Variants in STON2 observed in about 807,000 individuals in gnomAD.
STON2 encodes the protein stonin-2.
Under a neutral mutation model 65.7 loss-of-function variants are expected in STON2, and 29 were observed. That is an observed-to-expected ratio of 0.44 (90% CI 0.33 to 0.60). The LOEUF is 0.60. Among genes scored for constraint, STON2 ranks in the 20% least tolerant of loss-of-function variants. The probability of loss-of-function intolerance (pLI) is 0.03; values close to 1 mark genes in which losing one functional copy is unlikely to be tolerated. For missense variants in STON2, 1,054 were observed against 1,118.1 expected (o/e 0.94, Z 0.82); for synonymous variants, 404 against 414.2 (o/e 0.98, Z 0.30).
Position 81,263,094 on chromosome 14 carries a change from TA to T in STON2, c.*5319del, listed in dbSNP as rs1894214308. The stretch of plus-strand genomic sequence containing the variant: ...GTGAGACAGTGCATTTACCAAATGA[TA>T]TTTTTTTGTGGATTTAATTTTTTGT... On this transcript the variant is annotated 3_prime_UTR_variant, in exon 8 of 8. Coordinates refer to ENST00000614646, the MANE Select transcript of STON2 (RefSeq NM_001394390.1). 1.0e-6 allele frequency: 1 copy of T among 985,244 alleles called. No homozygotes were observed. The highest frequency in any genetic ancestry group is 6.1e-5 in the Admixed American group (1 of 16,264). 61.0% of individuals were successfully genotyped at this position (985,244 alleles called of 1,614,324 possible).
chr14:81,338,935 A>G (rs1897482992), intron 4 of STON2, among the ~76,000 whole-genome samples: 1 of 152,228 alleles, frequency 6.6e-6, no homozygotes, highest in Non-Finnish European at 1.5e-5. Flanking sequence ...TGGACAGAAA[A>G]GCAGCATTTG....
chr14:81,384,473 TG>T (rs1226079314), intron 3 of STON2, among the ~76,000 whole-genome samples: 1 of 151,456 alleles, frequency 6.6e-6, no homozygotes, highest in East Asian at 1.9e-4. Context: ...TGACCTCAAG[TG>T]ATCTGCCCGC....
intron 5 of STON2, among the ~76,000 whole-genome samples, chr14:81,313,625 T>A (rs896770076): frequency 3.3e-5 from 5 of 151,910 alleles, no homozygotes; most frequent in Admixed American, 3.3e-4. Flanking sequence ...TGAAGCCCCA[T>A]CTCTACTAAA....
At position 81,267,619 on chromosome 14, in the gene STON2, C is replaced by T. The variant is rs935356028; in HGVS notation, c.*795G>A. ...GATTGAATCTACCTCTTGAACTGAA[C>T]ATCATCTTATATTTAATGTCTCTTT... On this transcript the variant is annotated 3_prime_UTR_variant, in exon 8 of 8. Coordinates refer to ENST00000614646, the MANE Select transcript of STON2 (RefSeq NM_001394390.1). The T allele has an allele frequency of 1.2e-5, 12 of 985,206 alleles. No individual in the cohort carries two copies. Among genetic ancestry groups the T allele is most frequent in the African/African-American group, 1.7e-5 (1 of 57,214 alleles). 61.0% of individuals were successfully genotyped at this position (985,206 alleles called of 1,614,324 possible). A position where few individuals can be genotyped will look rare whatever the true frequency, so the allele number is the denominator to read the frequency against.
At position 81,263,214 on chromosome 14, in the gene STON2, C is replaced by G. The variant is rs1346950687; in HGVS notation, c.*5200G>C. On this transcript the variant is annotated 3_prime_UTR_variant, in exon 8 of 8. Coordinates refer to ENST00000614646, the MANE Select transcript of STON2 (RefSeq NM_001394390.1). ...GGCCCATGATGGTTTTGAATGTGGC[C>G]CAAGACAAATTCGTAAACTTTCTTA... The G allele has an allele frequency of 1.0e-6, 1 of 960,498 alleles. No individual in the cohort carries two copies. Among genetic ancestry groups the G allele is most frequent in the African/African-American group, 1.8e-5 (1 of 56,642 alleles). The allele number at this position is 960,498 out of a possible 1,614,324, so 59.5% of individuals were successfully genotyped here.
chr14:81,415,758 A>T (rs1309218140), intron 2 of STON2, among the ~76,000 whole-genome samples: 4 of 151,776 alleles, frequency 2.6e-5, no homozygotes, highest in Non-Finnish European at 5.9e-5. Flanking sequence ...TTCTATGTAT[A>T]TGATTATACA....
At chr14:81,312,138 T>C (rs1048262079) in intron 5 of STON2, among the ~76,000 whole-genome samples, 7 of 152,196 alleles carry the variant, frequency 4.6e-5, no homozygotes, top group African/African-American at 1.7e-4. Context: ...AGAGATTACA[T>C]GATTGTCTTA....
intron 5 of STON2, among the ~76,000 whole-genome samples, chr14:81,301,587 T>A (rs974677719): frequency 6.6e-6 from 1 of 152,090 alleles, no homozygotes; most frequent in Non-Finnish European, 1.5e-5. Context: ...TTCAGTTGGG[T>A]GATATACTAG....
intron 5 of STON2, among the ~76,000 whole-genome samples, chr14:81,302,881 G>A (rs1388478757): frequency 6.6e-6 from 1 of 152,192 alleles, no homozygotes; most frequent in Non-Finnish European, 1.5e-5. Context: ...ACATGGTGCC[G>A]TACACAGAAT....
chr14:81,350,465 T>C (rs1293195457), intron 4 of STON2, among the ~76,000 whole-genome samples: 1 of 148,474 alleles, frequency 6.7e-6, no homozygotes. Flanking sequence ...GGCAGTCCAT[T>C]GTTTAATTCA....
chr14:81,398,790 C>A (rs1900461320), intron 1 of STON2, among the ~76,000 whole-genome samples: 1 of 152,184 alleles, frequency 6.6e-6, no homozygotes, highest in Non-Finnish European at 1.5e-5. Context: ...GCCTTCATAT[C>A]ACACTTGCAA....
At chr14:81,404,144 C>T (rs921318627), upstream of STON2, among the ~76,000 whole-genome samples, 6 of 152,154 alleles carry the variant, frequency 3.9e-5, no homozygotes, top group Non-Finnish European at 8.8e-5. Flanking sequence ...AATTTAAACA[C>T]TATGTGTAAA....
intron 4 of STON2, among the ~76,000 whole-genome samples, chr14:81,339,594 T>A (rs1484867680): frequency 6.6e-6 from 1 of 152,180 alleles, no homozygotes. Context: ...AAGAACAGCA[T>A]AGCCCCTGTT....
chr14:81,349,383 C>A (rs1432655237), intron 4 of STON2, among the ~76,000 whole-genome samples: 1 of 151,968 alleles, frequency 6.6e-6, no homozygotes, highest in Non-Finnish European at 1.5e-5. Flanking sequence ...TATCAAACAG[C>A]TTAAATGCAG....
chr14:81,410,270 ACT>A (rs1404735306), intron 2 of STON2, among the ~76,000 whole-genome samples: 1 of 130,074 alleles, frequency 7.7e-6, no homozygotes, highest in African/African-American at 3.2e-5. Context: ...GATGAATGTA[ACT>A]CTAACCAAAA....
chr14:81,313,810 T>TACACACACACAC (rs10527861), intron 5 of STON2, among the ~76,000 whole-genome samples: 2 of 139,830 alleles, frequency 1.4e-5, no homozygotes, highest in African/African-American at 5.3e-5. Context: ...AAAAAAAAAA[T>TACACACACACAC]ACACACACAC....
At chr14:81,412,398 T>C (rs1901206349) in intron 2 of STON2, among the ~76,000 whole-genome samples, 1 of 140,106 alleles carries the variant, frequency 7.1e-6, no homozygotes, top group African/African-American at 2.9e-5. Flanking sequence ...TGGAACATTA[T>C]TCAGCCTTAA....
In STON2 at chr14:81,325,711, C is replaced by T. The variant is rs988971421; in HGVS notation, c.572-1524G>A. Among the ~76,000 whole-genome samples, 4 of 152,212 alleles carry T rather than the reference C, an allele frequency of 2.6e-5. No homozygotes were observed. The South Asian group carries it at 6.2e-4, about 24-fold the overall frequency. ...GGCACTTAAAAAAAACTTAATGATA[C>T]ATTTGAGATTTTCCATATCAGCATA... On this transcript the variant is annotated intron_variant, in intron 4 of 7. Transcript: ENST00000614646.
Position 81,265,174 on chromosome 14 carries a change from C to A in STON2, c.*3240G>T. 1 of 982,828 alleles carries A rather than the reference C, an allele frequency of 1.0e-6. No individual in the cohort carries two copies. Among genetic ancestry groups the A allele is most frequent in the East Asian group, 1.1e-4 (1 of 8,804 alleles). 60.9% of individuals were successfully genotyped at this position (982,828 alleles called of 1,614,324 possible). ...CAACTGTTTTCTATGTAGGTTATTA[C>A]ATAGCTAATTTGCCCACTTGTATTT... is the stretch of plus-strand genomic sequence containing the variant. On this transcript the variant is annotated 3_prime_UTR_variant, in exon 8 of 8. Coordinates refer to ENST00000614646, the MANE Select transcript of STON2 (RefSeq NM_001394390.1).
Sources: allele counts gnomAD v4.1 joint callset (sites outside exome capture counted in the v4.1 genomes callset), GRCh38; gene constraint gnomAD v4.1.1; transcripts MANE v1.5; gene names NCBI Gene and HGNC (gene_info 2026-07-23, HGNC 2026-07-21).